Variants in DLC1 observed in about 807,000 individuals in gnomAD.
DLC1 encodes the protein DLC1 Rho GTPase activating protein.
A neutral mutation model predicts 140.3 loss-of-function variants in DLC1; 54 were observed. The ratio of observed to expected loss-of-function variants is 0.38; its 90% CI spans 0.31 to 0.48. The LOEUF (loss-of-function observed/expected upper bound fraction) is 0.48, where lower values mean the gene tolerates loss of function less well. Among genes scored for constraint, DLC1 ranks in the 20% least tolerant of loss-of-function variants. The pLI is 0.96. For missense variants in DLC1, 2,536 were observed against 1,907.0 expected (o/e 1.33, Z -6.14); for synonymous variants, 986 against 728.1 (o/e 1.35, Z -5.70).
chr8:13,315,975 A>G (rs1294530629), intron 4 of DLC1, among the ~76,000 whole-genome samples: 1 of 152,196 alleles, frequency 6.6e-6, no homozygotes, highest in Non-Finnish European at 1.5e-5. Context: ...TCTTGCTTTA[A>G]TATAGGGTTA....
chr8:13,506,321 A>G (rs754812015), intron 1 of DLC1, among the ~76,000 whole-genome samples: 1 of 151,996 alleles, frequency 6.6e-6, no homozygotes, highest in Non-Finnish European at 1.5e-5. Context: ...AAATGAACAC[A>G]TGATTGACTC....
At chr8:13,487,242 A>G (rs7822519) in intron 2 of DLC1, among the ~76,000 whole-genome samples, 139,680 of 152,196 alleles carry the variant, frequency 0.92, 64,651 homozygotes, top group Non-Finnish European at 0.97. Flanking sequence ...ATTATGACAG[A>G]TACTGAAAAT....
chr8:13,233,932 A>G (rs1829166115), intron 5 of DLC1, among the ~76,000 whole-genome samples: 1 of 152,218 alleles, frequency 6.6e-6, no homozygotes, highest in African/African-American at 2.4e-5. Context: ...CTAGTATAAC[A>G]TTAAATGTCT....
intron 2 of DLC1, among the ~76,000 whole-genome samples, chr8:13,446,825 C>A (rs1301970182): frequency 1.3e-5 from 2 of 152,020 alleles, no homozygotes; most frequent in African/African-American, 4.8e-5. Context: ...GCCTGTAAAC[C>A]CAGCTACTTG....
intron 5 of DLC1, among the ~76,000 whole-genome samples, chr8:13,152,224 T>C (rs1020804177): frequency 4.6e-5 from 7 of 152,238 alleles, no homozygotes; most frequent in African/African-American, 1.4e-4. Context: ...CCAAAGTCCG[T>C]AAGAAGTGTT....
intron 1 of DLC1, among the ~76,000 whole-genome samples, chr8:13,507,633 C>G (rs1193573271): frequency 6.6e-6 from 1 of 152,144 alleles, no homozygotes; most frequent in Non-Finnish European, 1.5e-5. Flanking sequence ...TTGTTTAATG[C>G]TGGAATGTAC....
At chr8:13,302,762 C>T (rs1470699384) in intron 5 of DLC1, among the ~76,000 whole-genome samples, 1 of 150,788 alleles carries the variant, frequency 6.6e-6, no homozygotes, top group Non-Finnish European at 1.5e-5. Context: ...AAGCTTAATC[C>T]TATTTAAGAG....
chr8:13,578,569 T>C (rs987767072), intron 1 of DLC1, among the ~76,000 whole-genome samples: 2 of 152,192 alleles, frequency 1.3e-5, no homozygotes, highest in African/African-American at 4.8e-5. Context: ...CAGGTTGTCA[T>C]CTACACTTCT....
At chr8:13,259,910 A>T (rs1004478513) in intron 5 of DLC1, among the ~76,000 whole-genome samples, 1 of 152,240 alleles carries the variant, frequency 6.6e-6, no homozygotes, top group Admixed American at 6.5e-5. Flanking sequence ...AACTTAAAAA[A>T]ATCAGTAAGT....
intron 5 of DLC1, among the ~76,000 whole-genome samples, chr8:13,118,914 C>T (rs530344328): frequency 3.3e-5 from 5 of 152,224 alleles, no homozygotes; most frequent in Non-Finnish European, 7.4e-5. Context: ...TCACAAACTT[C>T]GCTGGAGCTC....
chr8:13,297,149 C>T (rs56320504), intron 5 of DLC1, among the ~76,000 whole-genome samples: 11,562 of 150,872 alleles, frequency 0.077, 500 homozygotes, highest in South Asian at 0.098. Context: ...TTTCTTTCAA[C>T]AGCCCAGTCA....
chr8:13,214,740 A>G (rs1348286091), intron 5 of DLC1: 5 of 780,834 alleles, frequency 6.4e-6, no homozygotes, highest in African/African-American at 1.7e-5. Context: ...TTGTGCTCTT[A>G]TCTTCATCCA....
intron 2 of DLC1, among the ~76,000 whole-genome samples, chr8:13,458,591 C>G (rs1489151458): frequency 6.6e-6 from 1 of 152,132 alleles, no homozygotes; most frequent in Non-Finnish European, 1.5e-5. Flanking sequence ...TGTGCAATGT[C>G]TAAAAACAGT....
intron 5 of DLC1, among the ~76,000 whole-genome samples, chr8:13,159,652 G>A (rs1344799228): frequency 6.6e-6 from 1 of 152,036 alleles, no homozygotes. Context: ...GCTGGCACAG[G>A]TACTACAGAA....
At chr8:13,521,890 T>G (rs1802778112) in intron 1 of DLC1, among the ~76,000 whole-genome samples, 1 of 152,186 alleles carries the variant, frequency 6.6e-6, no homozygotes, top group Admixed American at 6.5e-5. Flanking sequence ...AACTGTGTAT[T>G]ACTATGTTCA....
chr8:13,121,630 C>T (rs970712948), intron 5 of DLC1, among the ~76,000 whole-genome samples: 19 of 152,082 alleles, frequency 1.2e-4, no homozygotes, highest in African/African-American at 3.9e-4. Flanking sequence ...CTCTCTGTAG[C>T]CTTGAACTCT....
chr8:13,330,711 C>T (rs952752984), intron 4 of DLC1, among the ~76,000 whole-genome samples: 3 of 152,124 alleles, frequency 2.0e-5, no homozygotes. Flanking sequence ...GATGAGGTGA[C>T]CAGGGGTTAG....
intron 2 of DLC1, among the ~76,000 whole-genome samples, chr8:13,438,082 T>G (rs1839201333): frequency 6.6e-6 from 1 of 152,118 alleles, no homozygotes; most frequent in Admixed American, 6.5e-5. Context: ...GTTTTTCTCT[T>G]TCAATACTTT....
intron 7 of DLC1, among the ~76,000 whole-genome samples, chr8:13,104,937 C>T (rs1260143816): frequency 6.6e-6 from 1 of 152,210 alleles, no homozygotes; most frequent in Non-Finnish European, 1.5e-5. Context: ...AAATGACTTA[C>T]ACCCACAGTG....
Sources: allele counts gnomAD v4.1 joint callset (sites outside exome capture counted in the v4.1 genomes callset), GRCh38; gene constraint gnomAD v4.1.1; transcripts MANE v1.5; gene names NCBI Gene and HGNC (gene_info 2026-07-23, HGNC 2026-07-21).